The following TCF7L1 variants were observed in gnomAD, a reference collection of about 807,000 sequenced individuals.
TCF7L1 encodes transcription factor 7-like 1.
Under a neutral mutation model 63.7 loss-of-function variants are expected in TCF7L1, and 18 were observed. The observed-to-expected ratio is 0.28, with a 90% CI of 0.20 to 0.42. TCF7L1 has a LOEUF of 0.42. TCF7L1 is among the 10% of genes least tolerant of loss of function. TCF7L1 has a pLI of 1.00. For missense variants in TCF7L1, 654 were observed against 779.3 expected (o/e 0.84, Z 1.91); for synonymous variants, 355 against 340.9 (o/e 1.04, Z -0.46).
intron 4 of TCF7L1, among the ~76,000 whole-genome samples, chr2:85,290,999 T>G (rs1475828283): frequency 6.6e-6 from 1 of 152,238 alleles, no homozygotes; most frequent in African/African-American, 2.4e-5. Context: ...TAACAAATGT[T>G]TGCAGCCACA....
chr2:85,193,552 G>A (rs923185076), intron 3 of TCF7L1, among the ~76,000 whole-genome samples: 1 of 152,098 alleles, frequency 6.6e-6, no homozygotes, highest in African/African-American at 2.4e-5. Context: ...ATAAATAGAG[G>A]GCATTATCAG....
At chr2:85,173,520 T>C (rs1438674431) in intron 3 of TCF7L1, among the ~76,000 whole-genome samples, 1 of 152,188 alleles carries the variant, frequency 6.6e-6, no homozygotes, top group Non-Finnish European at 1.5e-5. Flanking sequence ...AAAGATTAAA[T>C]TGAATCACAC....
intron 3 of TCF7L1, among the ~76,000 whole-genome samples, chr2:85,207,724 T>TA (rs1679441706): frequency 2.0e-5 from 3 of 152,074 alleles, no homozygotes; most frequent in Admixed American, 2.0e-4. Context: ...GCAAAAGTGA[T>TA]ACACGTTCAG....
At chr2:85,239,944 T>TAAAAAAAAA (rs11337671) in intron 3 of TCF7L1, among the ~76,000 whole-genome samples, 1 of 104,370 alleles carries the variant, frequency 9.6e-6, no homozygotes. Flanking sequence ...AGACTCCATC[T>TAAAAAAAAA]AAAAAAAAAA....
intron 4 of TCF7L1, among the ~76,000 whole-genome samples, chr2:85,291,663 C>A (rs1681719745): frequency 6.6e-6 from 1 of 152,192 alleles, no homozygotes; most frequent in Admixed American, 6.5e-5. Context: ...TCACTGCAAC[C>A]TCCACCTCCT....
chr2:85,270,005 C>A (rs1681111358), intron 3 of TCF7L1, among the ~76,000 whole-genome samples: 1 of 152,200 alleles, frequency 6.6e-6, no homozygotes, highest in Admixed American at 6.5e-5. Context: ...CCTCCTCAGA[C>A]ATTTCCCATC....
chr2:85,164,779 A>G (rs1477361080), intron 3 of TCF7L1, among the ~76,000 whole-genome samples: 2 of 152,238 alleles, frequency 1.3e-5, no homozygotes, highest in Non-Finnish European at 2.9e-5. Context: ...GTTTGTGGGT[A>G]CATAGTACAC....
chr2:85,269,461 G>A (rs982634506), intron 3 of TCF7L1, among the ~76,000 whole-genome samples: 1 of 152,036 alleles, frequency 6.6e-6, no homozygotes, highest in African/African-American at 2.4e-5. Context: ...TTATAATTTT[G>A]TTTGTTTGGC....
intron 3 of TCF7L1, among the ~76,000 whole-genome samples, chr2:85,254,564 CG>C (rs1224237386): frequency 3.3e-5 from 5 of 152,212 alleles, no homozygotes; most frequent in African/African-American, 1.2e-4. Flanking sequence ...TCCAGCACCC[CG>C]ATCCACATTA....
At chr2:85,234,091 G>C (rs1034128670) in intron 3 of TCF7L1, among the ~76,000 whole-genome samples, 6 of 125,480 alleles carry the variant, frequency 4.8e-5, no homozygotes, top group Admixed American at 3.2e-4. Context: ...CATCTCTCTT[G>C]TTCCACTCTG....
chr2:85,177,516 G>A (rs934840533), intron 3 of TCF7L1, among the ~76,000 whole-genome samples: 3 of 152,070 alleles, frequency 2.0e-5, no homozygotes, highest in African/African-American at 7.2e-5. Flanking sequence ...AGTGGCCTGG[G>A]CAAGAAAACA....
chr2:85,192,984 C>T (rs959093412), intron 3 of TCF7L1, among the ~76,000 whole-genome samples: 3 of 152,066 alleles, frequency 2.0e-5, no homozygotes, highest in African/African-American at 7.2e-5. Flanking sequence ...CCACTGTGCC[C>T]GCTCTGTCTT....
intron 8 of TCF7L1, among the ~76,000 whole-genome samples, 183 bp downstream of exon 8, chr2:85,305,586 G>A (rs780393394): frequency 2.0e-5 from 3 of 152,104 alleles, no homozygotes; most frequent in Non-Finnish European, 2.9e-5. Flanking sequence ...CTGGGTCCCT[G>A]TCCTTTCAGG....
chr2:85,262,686 A>AGGGTCTCTCC (rs1680885424), intron 3 of TCF7L1, among the ~76,000 whole-genome samples: 1 of 152,252 alleles, frequency 6.6e-6, no homozygotes, highest in Non-Finnish European at 1.5e-5. Context: ...GGGGATACCC[A>AGGGTCTCTCC]GGAACTCACA....
chr2:85,264,243 G>A (rs1032695530), intron 3 of TCF7L1, among the ~76,000 whole-genome samples: 1 of 152,190 alleles, frequency 6.6e-6, no homozygotes, highest in Non-Finnish European at 1.5e-5. Flanking sequence ...AATTCAGCGT[G>A]TATCTGAGTG....
chr2:85,263,975 C>T (rs966603762), intron 3 of TCF7L1, among the ~76,000 whole-genome samples: 5 of 152,150 alleles, frequency 3.3e-5, no homozygotes, highest in African/African-American at 9.7e-5. Context: ...GTGGCCTTAG[C>T]GAAAACAGGG....
intron 3 of TCF7L1, among the ~76,000 whole-genome samples, chr2:85,266,476 G>C (rs892598671): frequency 2.0e-5 from 3 of 152,242 alleles, no homozygotes; most frequent in Non-Finnish European, 1.5e-5. Context: ...ACAAATGGGA[G>C]TGGAACCCAG....
At chr2:85,193,152 T>A (rs764761735) in intron 3 of TCF7L1, among the ~76,000 whole-genome samples, 1 of 152,208 alleles carries the variant, frequency 6.6e-6, no homozygotes, top group Non-Finnish European at 1.5e-5. Flanking sequence ...GCACTCAGGC[T>A]AAAATGCCCA....
intron 3 of TCF7L1, among the ~76,000 whole-genome samples, chr2:85,150,019 CAT>C (rs769893999): frequency 2.2e-4 from 34 of 152,288 alleles, no homozygotes; most frequent in Non-Finnish European, 4.7e-4. Context: ...GGGAAATTAA[CAT>C]AGAGACAGTA....
Sources: gnomAD v4.1 joint callset for allele counts (sites outside exome capture counted in the v4.1 genomes callset) on GRCh38, gnomAD v4.1.1 for gene constraint, MANE v1.5 for transcripts, NCBI Gene and HGNC (gene_info 2026-07-23, HGNC 2026-07-21) for gene names.